Variants in SYCE1L observed in about 807,000 individuals in gnomAD.
SYCE1L encodes synaptonemal complex central element protein 1 like.
Under a neutral mutation model 39.6 loss-of-function variants are expected in SYCE1L, and 51 were observed. The observed-to-expected ratio is 1.29, with a 90% CI of 1.03 to 1.63. SYCE1L has a LOEUF of 1.63. Ranked by LOEUF, SYCE1L falls within the 40% of genes most tolerant of loss-of-function variation. The probability of loss-of-function intolerance (pLI) is 0.00; values close to 1 mark genes in which losing one functional copy is unlikely to be tolerated. For synonymous variants in SYCE1L, 147 were observed against 122.4 expected (o/e 1.20, Z -1.33); for missense variants, 426 against 304.9 (o/e 1.40, Z -2.96).
At chr16:77,212,706 G>A (rs1180490637) in intron 10 of SYCE1L, 60 bp downstream of exon 10, 35 of 1,463,554 alleles carry the variant, frequency 2.4e-5, no homozygotes, top group Non-Finnish European at 3.0e-5. Context: ...GAGAGCGGGC[G>A]GGGGTCCTGG....
intron 8 of SYCE1L, 36 bp downstream of exon 8, chr16:77,212,235 G>A: frequency 1.3e-6 from 2 of 1,541,994 alleles, no homozygotes; most frequent in Non-Finnish European, 1.7e-6. Context: ...GGGGGAGGGG[G>A]ATGTGCCCGG....
At chr16:77,212,817 C>T in intron 10 of SYCE1L, 40 bp from the exon 11 acceptor site, 2 of 1,443,536 alleles carry the variant, frequency 1.4e-6, no homozygotes, top group East Asian at 2.6e-5. Context: ...ACGCGAGGAG[C>T]GTAGGAACCT....
At chr16:77,206,406 G>A (rs745678743) in intron 1 of SYCE1L, 35 bp from the exon 2 acceptor site, 15 of 1,544,788 alleles carry the variant, frequency 9.7e-6, no homozygotes, top group Non-Finnish European at 1.2e-5. Flanking sequence ...TCTCACTCTC[G>A]CTGTGTCCTG....
chr16:77,204,742 T>TAA (rs887448120), intron 1 of SYCE1L, among the ~76,000 whole-genome samples: 1 of 152,126 alleles, frequency 6.6e-6, no homozygotes, highest in Non-Finnish European at 1.5e-5. Flanking sequence ...TGCTACCACT[T>TAA]ACATAGAAAA....
chr16:77,213,066 C>A lies in SYCE1L; in HGVS notation c.*135C>A. The A allele has an allele frequency of 1.1e-6, 1 of 928,852 alleles. No homozygotes were observed. Among genetic ancestry groups the A allele is most frequent in the Non-Finnish European group, 1.4e-6 (1 of 694,186 alleles). 57.5% of individuals were successfully genotyped at this position (928,852 alleles called of 1,614,324 possible). Reference sequence around the variant, plus strand: ...AGCGGGGCGGGGCGTGCTGGGATCTCGAGGCGGGGCCTCTGCCGGACCCCT... The same window carrying A: ...AGCGGGGCGGGGCGTGCTGGGATCTAGAGGCGGGGCCTCTGCCGGACCCCT... On this transcript the variant is annotated 3_prime_UTR_variant, in exon 11 of 11. Coordinates refer to ENST00000378644, the MANE Select transcript of SYCE1L (RefSeq NM_001129979.3).
intron 3 of SYCE1L, 96 bp downstream of exon 3, chr16:77,208,365 C>A (rs2054800099): frequency 6.5e-7 from 1 of 1,542,248 alleles, no homozygotes; most frequent in Non-Finnish European, 8.8e-7. Context: ...CTAGGCCCCT[C>A]TAGGGTTGTT....
chr16:77,202,549 TG>T (rs1481499236), intron 1 of SYCE1L: 1 of 152,198 alleles, frequency 6.6e-6, no homozygotes, highest in Admixed American at 6.6e-5. Flanking sequence ...AAAACACAGA[TG>T]GAGCTTCTGC....
intron 1 of SYCE1L, among the ~76,000 whole-genome samples, chr16:77,205,056 A>AAAAAAAAAAAAAAAAAAAG (rs1471925292): frequency 7.1e-6 from 1 of 140,666 alleles, no homozygotes; most frequent in Non-Finnish European, 1.5e-5. Context: ...AAAAAAAAAA[A>AAAAAAAAAAAAAAAAAAAG]AAAAGAAAAG....
In SYCE1L at chr16:77,211,141, T is replaced by C. The variant is rs544471299; in HGVS notation, c.360-72T>C. 8.6e-6 allele frequency: 13 copies of C among 1,503,986 alleles called. No individual in the cohort carries two copies. In the South Asian group the frequency reaches 1.3e-4, roughly 15 times the overall value. 93.2% of individuals were successfully genotyped at this position (1,503,986 alleles called of 1,614,324 possible). On this transcript the variant is annotated intron_variant, in intron 6 of 10. Transcript: ENST00000378644. ...GGAGCATGGGCAGGATCTGAAGGCC[T>C]GTGCATGAGGAGCCCCCAACAGGGT...
At chr16:77,211,655 G>A (rs184056778) in intron 7 of SYCE1L, among the ~76,000 whole-genome samples, 6 of 152,318 alleles carry the variant, frequency 3.9e-5, no homozygotes, top group African/African-American at 1.4e-4. Flanking sequence ...GGGAGGGAGG[G>A]TAGCAGATCA....
At chr16:77,211,154 C>T (rs953471902) in intron 6 of SYCE1L, 59 bp from the exon 7 acceptor site, 4 of 1,531,794 alleles carry the variant, frequency 2.6e-6, no homozygotes, top group Admixed American at 3.9e-5. Flanking sequence ...GCATGAGGAG[C>T]CCCCAACAGG....
At position 77,213,091 on chromosome 16, in the gene SYCE1L, T is replaced by C. The variant is rs7203616; in HGVS notation, c.*160T>C. 1 of 685,194 alleles carries C rather than the reference T, an allele frequency of 1.5e-6. No individual in the cohort carries two copies. Among genetic ancestry groups the C allele is most frequent in the Non-Finnish European group, 2.1e-6 (1 of 472,818 alleles). 42.4% of individuals were successfully genotyped at this position (685,194 alleles called of 1,614,324 possible). On this transcript the variant is annotated 3_prime_UTR_variant, in exon 11 of 11. Transcript: ENST00000378644. Reference sequence around the variant, plus strand: ...CGAGGCGGGGCCTCTGCCGGACCCCTCCCACCAGTCGAGCCCCGGGCGCCG... The same window carrying C: ...CGAGGCGGGGCCTCTGCCGGACCCCCCCCACCAGTCGAGCCCCGGGCGCCG...
At chr16:77,208,679 C>T in intron 4 of SYCE1L, 140 bp downstream of exon 4, 4 of 860,296 alleles carry the variant, frequency 4.6e-6, no homozygotes, top group Middle Eastern at 7.2e-4. Context: ...CTCATGTCAT[C>T]TTTCAGCTCT....
chr16:77,208,098 G>A (rs1282264473), intron 2 of SYCE1L, 112 bp from the exon 3 acceptor site: 18 of 1,106,048 alleles, frequency 1.6e-5, no homozygotes, highest in Admixed American at 2.7e-5. Context: ...CACAGCAGGC[G>A]CTCAATATAT....
intron 10 of SYCE1L, 100 bp downstream of exon 10, chr16:77,212,746 G>A (rs1831172902): frequency 7.0e-7 from 1 of 1,427,774 alleles, no homozygotes; most frequent in Non-Finnish European, 9.2e-7. Flanking sequence ...GGTCTGTGGG[G>A]AGCAGGGCGG....
At chr16:77,209,305 C>G (rs1308236478) in intron 5 of SYCE1L, 112 bp from the exon 6 acceptor site, 2 of 1,376,034 alleles carry the variant, frequency 1.5e-6, no homozygotes, top group Admixed American at 4.0e-5. Context: ...GAGTAAACAC[C>G]CAAGTCCTCA....
rs1433565679 is a variant in SYCE1L, at chr16:77,212,292, G to A, written c.504G>A (p.Val168=). 2.6e-6 allele frequency: 4 copies of A among 1,522,530 alleles called. No individual in the cohort carries two copies. Among genetic ancestry groups the A allele is most frequent in the Non-Finnish European group, 3.5e-6 (4 of 1,136,276 alleles). 94.3% of individuals were successfully genotyped at this position (1,522,530 alleles called of 1,614,324 possible). A position where few individuals can be genotyped will look rare whatever the true frequency, so the allele number is the denominator to read the frequency against. The change falls in exon 9 of 11, where the codon GTG becomes GTA. Residue 168 remains valine, a synonymous_variant. Transcript: ENST00000378644. The stretch of plus-strand genomic sequence containing the variant: ...CCCGCCCACCGACAGGGAGGCTGGT[G>A]CGCGCCAAGCTGCGGGAGGTGGAGC... ...KEQLLSERRL[V]RAKLREVERR...
At chr16:77,207,716 C>T (rs770675824) in intron 2 of SYCE1L, among the ~76,000 whole-genome samples, 2 of 152,170 alleles carry the variant, frequency 1.3e-5, no homozygotes, top group Non-Finnish European at 2.9e-5. Context: ...TTCTGCTACT[C>T]TCCACTTGCT....
chr16:77,205,890 C>G (rs1419502012), intron 1 of SYCE1L, among the ~76,000 whole-genome samples: 1 of 152,112 alleles, frequency 6.6e-6, no homozygotes, highest in Non-Finnish European at 1.5e-5. Flanking sequence ...TTAGCTGAAA[C>G]AAACTCTCTA....
Sources: gnomAD v4.1 joint callset for allele counts (sites outside exome capture counted in the v4.1 genomes callset) on GRCh38, gnomAD v4.1.1 for gene constraint, MANE v1.5 for transcripts, NCBI Gene and HGNC (gene_info 2026-07-23, HGNC 2026-07-21) for gene names.